The following PLAA variants were observed in gnomAD, a reference collection of about 807,000 sequenced individuals.
PLAA encodes the protein phospholipase A2 activating protein.
A neutral mutation model predicts 84.1 loss-of-function variants in PLAA; 48 were observed. That is an observed-to-expected ratio of 0.57 (90% CI 0.45 to 0.73). PLAA has a LOEUF of 0.73. Among genes scored for constraint, PLAA ranks in the 30% least tolerant of loss-of-function variants. The probability of loss-of-function intolerance (pLI) is 0.00; values close to 1 mark genes in which losing one functional copy is unlikely to be tolerated. For synonymous variants in PLAA, 392 were observed against 336.6 expected, an observed-to-expected ratio of 1.16 and a Z score of -1.80; for missense variants, 903 against 954.7, an observed-to-expected ratio of 0.95 and a Z score of 0.71.
intron 1 of PLAA, among the ~76,000 whole-genome samples, chr9:26,939,667 T>C (rs1472122155): frequency 6.6e-6 from 1 of 151,900 alleles, no homozygotes; most frequent in Non-Finnish European, 1.5e-5. Flanking sequence ...TCACTTTAGA[T>C]CCAAAGACAC....
intron 2 of PLAA, among the ~76,000 whole-genome samples, chr9:26,934,322 C>T (rs1445526122): frequency 6.6e-6 from 1 of 152,120 alleles, no homozygotes; most frequent in East Asian, 1.9e-4. Context: ...AAATACTCCT[C>T]AATAATACCA....
At chr9:26,935,892 T>C (rs1825343690) in intron 1 of PLAA, among the ~76,000 whole-genome samples, 1 of 151,240 alleles carries the variant, frequency 6.6e-6, no homozygotes, top group Non-Finnish European at 1.5e-5. Context: ...TATATATCAA[T>C]GAACACAGTA....
Position 26,905,565 on chromosome 9 carries a change from T to A in PLAA, c.2334A>T (p.Val778=). 6.2e-7 allele frequency: 1 copy of A among 1,614,016 alleles called. No individual in the cohort carries two copies. Among genetic ancestry groups the A allele is most frequent in the Non-Finnish European group, 8.5e-7 (1 of 1,179,988 alleles). Reference sequence around the variant, plus strand: ...ATTCACTTACTTTAGCTGGTTCTGATACTGAGGAATACTTTTTTATTTGAG... The same window carrying A: ...ATTCACTTACTTTAGCTGGTTCTGAAACTGAGGAATACTTTTTTATTTGAG... ...VDSQIKKYSS[V]SEPAKVSECC... is the part of the protein sequence containing the mutation. Residue 778 remains valine (V), a synonymous_variant, in exon 14 of 14, where the codon GTA becomes GTT. Transcript: ENST00000397292.
At chr9:26,936,553 A>C (rs1008175056) in intron 1 of PLAA, among the ~76,000 whole-genome samples, 2 of 152,212 alleles carry the variant, frequency 1.3e-5, no homozygotes, top group Non-Finnish European at 2.9e-5. Flanking sequence ...ATTGAGGTTA[A>C]TTTTGATCAA....
At position 26,926,533 on chromosome 9, in the gene PLAA, G is replaced by A; in HGVS notation, c.593C>T (p.Ala198Val). 2 of 1,613,398 alleles carry A rather than the reference G, an allele frequency of 1.2e-6. No individual in the cohort carries two copies. Among genetic ancestry groups the A allele is most frequent in the Non-Finnish European group, 8.5e-7 (1 of 1,179,606 alleles). ...SGHEDCVRGL[A>V]ILSETEFLSC... ...AAGAAATTCTGTTTCACTCAAAATT[G>A]CCAAACCTCTTACACAGTCTTCATG... The change falls in exon 5 of 14, where the codon GCA becomes GTA. Residue 198 changes from alanine (A) to valine (V), a missense_variant. Transcript: ENST00000397292.
At chr9:26,931,382 T>C (rs1028030885) in intron 2 of PLAA, among the ~76,000 whole-genome samples, 1 of 152,180 alleles carries the variant, frequency 6.6e-6, no homozygotes, top group Admixed American at 6.5e-5. Context: ...ATATTGAATC[T>C]AGGCAATGAT....
chr9:26,914,030 T>C (rs1824478735), intron 10 of PLAA, 83 bp from the exon 11 acceptor site: 1 of 936,844 alleles, frequency 1.1e-6, no homozygotes, highest in African/African-American at 1.6e-5. Context: ...TTTCCAGTAT[T>C]AAGCACACTT....
rs1824158176 is a variant in PLAA, at chr9:26,904,060, T to C, written c.*1451A>G. ...CTCAACTGAGCCAGTGAACAGAATA[T>C]TTAGTCCAGGTACACACCAGGTAGT... On this transcript the variant is annotated 3_prime_UTR_variant, in exon 14 of 14. Coordinates refer to ENST00000397292, the MANE Select transcript of PLAA (RefSeq NM_001031689.3). The C allele has an allele frequency of 6.5e-6, 1 of 153,504 alleles. No individual in the cohort carries two copies. Among genetic ancestry groups the C allele is most frequent in the African/African-American group, 2.4e-5 (1 of 41,438 alleles). 9.5% of individuals were successfully genotyped at this position (153,504 alleles called of 1,614,324 possible).
Position 26,904,050 on chromosome 9 carries a change from G to A in PLAA, c.*1461C>T, listed in dbSNP as rs114624797. ...AGTATAGGTACTCAACTGAGCCAGT[G>A]AACAGAATATTTAGTCCAGGTACAC... On this transcript the variant is annotated 3_prime_UTR_variant, in exon 14 of 14. Coordinates refer to ENST00000397292, the MANE Select transcript of PLAA (RefSeq NM_001031689.3). The A allele has an allele frequency of 5.2e-5, 8 of 153,624 alleles. No homozygotes were observed. In the East Asian group the frequency reaches 1.5e-3, roughly 30 times the overall value. 9.5% of individuals were successfully genotyped at this position (153,624 alleles called of 1,614,324 possible).
At chr9:26,925,277 C>T (rs1824905425) in intron 6 of PLAA, among the ~76,000 whole-genome samples, 1 of 152,162 alleles carries the variant, frequency 6.6e-6, no homozygotes, top group African/African-American at 2.4e-5. Flanking sequence ...AGAACTACAA[C>T]CCTTCAACCC....
At chr9:26,931,543 A>G (rs1345052057) in intron 2 of PLAA, among the ~76,000 whole-genome samples, 1 of 152,184 alleles carries the variant, frequency 6.6e-6, no homozygotes, top group Non-Finnish European at 1.5e-5. Context: ...AAAATACAGA[A>G]TACCACCTAT....
chr9:26,917,046 G>C (rs1166650958), intron 10 of PLAA, 51 bp downstream of exon 10: 4 of 1,425,962 alleles, frequency 2.8e-6, no homozygotes, highest in Non-Finnish European at 4.0e-6. Flanking sequence ...TGTGATGCAA[G>C]ATGCTATACA....
intron 1 of PLAA, among the ~76,000 whole-genome samples, chr9:26,945,255 G>A (rs986989177): frequency 6.6e-6 from 1 of 152,160 alleles, no homozygotes; most frequent in African/African-American, 2.4e-5. Flanking sequence ...TGTCAAACTA[G>A]TACAGTCCCA....
intron 11 of PLAA, among the ~76,000 whole-genome samples, chr9:26,911,169 T>C (rs1824387553): frequency 6.6e-6 from 1 of 152,140 alleles, no homozygotes; most frequent in Non-Finnish European, 1.5e-5. Context: ...TTTTGTTTTT[T>C]TGAGACAGAG....
intron 4 of PLAA, among the ~76,000 whole-genome samples, chr9:26,927,674 T>C (rs1825021491): frequency 6.6e-6 from 1 of 152,182 alleles, no homozygotes; most frequent in Non-Finnish European, 1.5e-5. Flanking sequence ...TGAAATTCGT[T>C]ATAAACAATG....
chr9:26,906,423 CTTTTTTTTTT>C (rs35324777), intron 13 of PLAA, among the ~76,000 whole-genome samples: 3 of 95,090 alleles, frequency 3.2e-5, no homozygotes, highest in Non-Finnish European at 6.1e-5. Context: ...AGGGAAAGTT[CTTTTTTTTTT>C]TTTTTTTTTT....
intron 9 of PLAA, 25 bp downstream of exon 9, chr9:26,919,285 A>T: frequency 6.9e-7 from 1 of 1,444,468 alleles, no homozygotes; most frequent in Non-Finnish European, 9.6e-7. Flanking sequence ...GAACTACATA[A>T]GACTCAATAT....
chr9:26,918,102 A>ATT lies in PLAA; in HGVS notation c.1418-939_1418-938dup, dbSNP rs533380517. Among the ~76,000 whole-genome samples the ATT allele has an allele frequency of 4.5e-4, 68 of 151,764 alleles. 2 individuals carry two copies. Among genetic ancestry groups the ATT allele is most frequent in the African/African-American group, 1.6e-3 (66 of 41,292 alleles). ...AATTCAGTAGTAAGTTACTTTGATA[A>ATT]TTTTTTTTAAAATTTTTTGATTTTT... is the stretch of plus-strand genomic sequence containing the variant. On this transcript the variant is annotated intron_variant, in intron 9 of 13. Transcript: ENST00000397292.
At chr9:26,943,526 A>G (rs1211530643) in intron 1 of PLAA, among the ~76,000 whole-genome samples, 1 of 152,202 alleles carries the variant, frequency 6.6e-6, no homozygotes, top group African/African-American at 2.4e-5. Flanking sequence ...AAGAATTTGA[A>G]GTTGAATCAG....
Sources: gnomAD v4.1 joint callset for allele counts (sites outside exome capture counted in the v4.1 genomes callset) on GRCh38, gnomAD v4.1.1 for gene constraint, MANE v1.5 for transcripts, NCBI Gene and HGNC (gene_info 2026-07-23, HGNC 2026-07-21) for gene names.